SSTR3: variants seen among roughly 807,000 people sequenced by gnomAD.
The protein encoded by SSTR3 is somatostatin receptor type 3.
For missense variants in SSTR3, 504 were observed against 604.7 expected (o/e 0.83, Z 1.75); for synonymous variants, 281 against 269.2 (o/e 1.04, Z -0.43).
the SSTR3 span, among the ~76,000 whole-genome samples, chr22:37,219,172 G>C: frequency 1.3e-5 from 2 of 152,178 alleles, no homozygotes; most frequent in African/African-American, 4.8e-5. Flanking sequence ...GCGAGGAGGT[G>C]GGGGTGGAAA....
At chr22:37,214,861 C>A (rs1326153013), upstream of SSTR3, among the ~76,000 whole-genome samples, 3 of 152,172 alleles carry the variant, frequency 2.0e-5, no homozygotes, top group Admixed American at 1.3e-4. Flanking sequence ...ACTCGGCCCT[C>A]TTCTCGTTCT....
chr22:37,212,607 C>T (rs1436653265), upstream of SSTR3, among the ~76,000 whole-genome samples: 5 of 152,120 alleles, frequency 3.3e-5, no homozygotes, highest in African/African-American at 4.8e-5. Flanking sequence ...CAGCCACCCA[C>T]GCCCGCTGGC....
chr22:37,219,187 T>C, the SSTR3 span, among the ~76,000 whole-genome samples: 1 of 152,226 alleles, frequency 6.6e-6, no homozygotes, highest in Non-Finnish European at 1.5e-5. Context: ...TGGAAACATC[T>C]CTACCCTAGC....
intron 1 of SSTR3, among the ~76,000 whole-genome samples, chr22:37,210,062 C>G (rs986678579): frequency 6.6e-6 from 1 of 152,208 alleles, no homozygotes; most frequent in African/African-American, 2.4e-5. Context: ...AGTCCTGCCT[C>G]CCTGGTAGGG....
upstream of SSTR3, among the ~76,000 whole-genome samples, chr22:37,216,624 A>C (rs1249809676): frequency 6.6e-6 from 1 of 152,204 alleles, no homozygotes; most frequent in African/African-American, 2.4e-5. Flanking sequence ...AGCTCCTCTT[A>C]TCTGGGCCAG....
At position 37,211,764 on chromosome 22, in the gene SSTR3, C is replaced by G. The variant is rs1418546124; in HGVS notation, c.-37+61G>C. On this transcript the variant is annotated intron_variant, in intron 1 of 1. Transcript: ENST00000610913. ...CCCAGCCTCCCAAGTTCATCCTGGG[C>G]AGAGGATGGGCTTCCAGGACCCCAC... The G allele has an allele frequency of 5.1e-6, 5 of 985,352 alleles. No individual in the cohort carries two copies. The East Asian group carries it at 5.7e-4, about 112-fold the overall frequency. 61.0% of individuals were successfully genotyped at this position (985,352 alleles called of 1,614,324 possible).
the SSTR3 span, among the ~76,000 whole-genome samples, chr22:37,219,464 G>A: frequency 4.6e-5 from 7 of 152,234 alleles, no homozygotes; most frequent in East Asian, 1.9e-4. Flanking sequence ...GGTCCTCTCC[G>A]GAAGCCTTCT....
intron 1 of SSTR3, among the ~76,000 whole-genome samples, chr22:37,211,437 T>C (rs945905502): frequency 1.3e-5 from 2 of 152,140 alleles, no homozygotes; most frequent in Admixed American, 1.3e-4. Flanking sequence ...AGTTTCGTCA[T>C]ATGGAAGACA....
At chr22:37,218,010 C>T in the SSTR3 span, among the ~76,000 whole-genome samples, 2 of 152,214 alleles carry the variant, frequency 1.3e-5, no homozygotes, top group Admixed American at 6.5e-5. Context: ...AACCAGCTCT[C>T]TCCTGATTTC....
In SSTR3 at chr22:37,206,171, T is replaced by C. The variant is rs1925720726; in HGVS notation, c.*376A>G. 1 of 185,874 alleles carries C rather than the reference T, an allele frequency of 5.4e-6. No homozygotes were observed. Among genetic ancestry groups the C allele is most frequent in the Non-Finnish European group, 1.1e-5 (1 of 91,290 alleles). 11.5% of individuals were successfully genotyped at this position (185,874 alleles called of 1,614,324 possible). A position where few individuals can be genotyped will look rare whatever the true frequency, so the allele number is the denominator to read the frequency against. ...TCCTGACTCTGAGCCCAAGAAATCCTGGCCTTGGTTTATCCCTCTGAGGGC... is the reference window on the plus strand; with the variant it reads ...TCCTGACTCTGAGCCCAAGAAATCCCGGCCTTGGTTTATCCCTCTGAGGGC... On this transcript the variant is annotated 3_prime_UTR_variant, in exon 2 of 2. Coordinates refer to ENST00000610913, the MANE Select transcript of SSTR3 (RefSeq NM_001051.5).
upstream of SSTR3, among the ~76,000 whole-genome samples, chr22:37,214,533 C>T (rs1382625525): frequency 6.6e-6 from 1 of 152,112 alleles, no homozygotes; most frequent in African/African-American, 2.4e-5. Flanking sequence ...CGGGGGGGCT[C>T]CCTTGTACAT....
upstream of SSTR3, among the ~76,000 whole-genome samples, chr22:37,212,892 G>T (rs1926278006): frequency 6.6e-6 from 1 of 152,198 alleles, no homozygotes; most frequent in Non-Finnish European, 1.5e-5. Context: ...AGAGCCCCAG[G>T]CAGGGTGAGG....
upstream of SSTR3, among the ~76,000 whole-genome samples, chr22:37,214,293 C>G (rs562329391): frequency 6.6e-6 from 1 of 152,344 alleles, no homozygotes; most frequent in South Asian, 2.1e-4. Context: ...CTGACCTCCC[C>G]TTTTCTTCCT....
chr22:37,210,393 C>G (rs1363672156), intron 1 of SSTR3, among the ~76,000 whole-genome samples: 1 of 152,224 alleles, frequency 6.6e-6, no homozygotes, highest in Admixed American at 6.5e-5. Flanking sequence ...TCCTTTGTAC[C>G]AGGGCATGCA....
rs6413537 is a variant in SSTR3, at chr22:37,207,052, G to T, written c.752C>A (p.Ser251Tyr). 6.2e-7 allele frequency: 1 copy of T among 1,612,200 alleles called. No individual in the cohort carries two copies. Among genetic ancestry groups the T allele is most frequent in the Non-Finnish European group, 8.5e-7 (1 of 1,179,548 alleles). Residue 251 changes from serine to tyrosine, a missense_variant, in exon 2 of 2, where the codon TCC becomes TAC. Ser to Tyr is a moderately radical substitution (Grantham distance 144). Transcript: ENST00000610913. The part of the protein sequence containing the change: ...WAPSCQRRRR[S>Y]ERRVTRMVVA... ...CACCATGCGCGTGACCCTGCGTTCG[G>T]AGCGCCGCCGCCGCTGGCACGAGGG... is the stretch of plus-strand genomic sequence containing the variant.
chr22:37,213,470 G>T (rs1015773318), upstream of SSTR3, among the ~76,000 whole-genome samples: 2 of 152,372 alleles, frequency 1.3e-5, no homozygotes, highest in Non-Finnish European at 1.5e-5. Flanking sequence ...TTTGTCACTA[G>T]GTACCTGGCA....
At chr22:37,215,016 C>A (rs1165295664), upstream of SSTR3, among the ~76,000 whole-genome samples, 5 of 152,204 alleles carry the variant, frequency 3.3e-5, no homozygotes, top group African/African-American at 1.2e-4. Flanking sequence ...CCAACACTCC[C>A]TCCTTCAGGA....
intron 1 of SSTR3, among the ~76,000 whole-genome samples, chr22:37,209,666 A>G (rs1555906079): frequency 6.6e-6 from 1 of 152,236 alleles, no homozygotes; most frequent in Non-Finnish European, 1.5e-5. Flanking sequence ...TGTCATCCCC[A>G]CTGCACAGAT....
chr22:37,208,490 G>A (rs1333619144), intron 1 of SSTR3, among the ~76,000 whole-genome samples: 1 of 152,152 alleles, frequency 6.6e-6, no homozygotes, highest in East Asian at 1.9e-4. Context: ...AGGAAGGTTG[G>A]CTGTGAACCT....
Sources: allele counts gnomAD v4.1 joint callset (sites outside exome capture counted in the v4.1 genomes callset), GRCh38; gene constraint gnomAD v4.1.1; transcripts MANE v1.5; gene names NCBI Gene and HGNC (gene_info 2026-07-23, HGNC 2026-07-21).